The following SAMD11 variants were observed in gnomAD, a reference collection of about 807,000 sequenced individuals.
The protein encoded by SAMD11 is sterile alpha motif domain containing 11.
In SAMD11, 77 loss-of-function variants were observed where a neutral mutation model predicts 64.4. That is an observed-to-expected ratio of 1.20 (90% CI 0.99 to 1.44). The LOEUF is 1.44. SAMD11 is among the 40% of genes most tolerant of loss of function. SAMD11 has a pLI of 0.00. For synonymous variants in SAMD11, 658 were observed against 421.9 expected, an observed-to-expected ratio of 1.56 and a Z score of -6.86; for missense variants, 1,402 against 943.3, an observed-to-expected ratio of 1.49 and a Z score of -6.37.
chr1:935,541 G>A (rs1641387152), intron 4 of SAMD11, among the ~76,000 whole-genome samples: 1 of 152,212 alleles, frequency 6.6e-6, no homozygotes, highest in African/African-American at 2.4e-5. Flanking sequence ...CCCTGGAGCA[G>A]CCGTGGGGTC....
intron 7 of SAMD11, among the ~76,000 whole-genome samples, chr1:940,111 C>T (rs1641665750): frequency 6.6e-6 from 1 of 152,196 alleles, no homozygotes; most frequent in African/African-American, 2.4e-5. Flanking sequence ...CAGGATTCCT[C>T]ACACCAGGCA....
At chr1:936,454 C>T (rs972751142) in intron 5 of SAMD11, among the ~76,000 whole-genome samples, 2 of 151,850 alleles carry the variant, frequency 1.3e-5, no homozygotes, top group Non-Finnish European at 2.9e-5. Flanking sequence ...TCTAGGGCTC[C>T]GGGAAGGATG....
At chr1:940,313 C>G (rs1230952922) in intron 7 of SAMD11, 1 of 147,664 alleles carries the variant, frequency 6.8e-6, no homozygotes, top group Non-Finnish European at 1.5e-5. Flanking sequence ...CCCCCCGCCC[C>G]GCCGCGGAGC....
At chr1:929,267 T>C (rs1176257117) in intron 2 of SAMD11, among the ~76,000 whole-genome samples, 1 of 152,152 alleles carries the variant, frequency 6.6e-6, no homozygotes, top group Non-Finnish European at 1.5e-5. Flanking sequence ...AGCGGGCGTG[T>C]CTGTGCTCCC....
At chr1:933,303 C>T (rs141958931) in intron 4 of SAMD11, among the ~76,000 whole-genome samples, 1,629 of 152,286 alleles carry the variant, frequency 0.011, 19 homozygotes, top group Non-Finnish European at 0.017. Context: ...TTTCAGGGGC[C>T]GGGCCAGGCC....
At position 939,296 on chromosome 1, in the gene SAMD11, A is replaced by T. The variant is rs1476899771; in HGVS notation, c.1079A>T (p.Glu360Val). The part of the protein sequence containing the change: ...SPQEALLLPR[E>V]LGPSMAPEDH... ...GCAGAGGCGCTGCTGCTGCCGCGGG[A>T]GCTGGGGCCCAGCATGGCCCCGGAG... is the stretch of plus-strand genomic sequence containing the variant. Residue 360 changes from glutamate to valine, a missense_variant, in exon 7 of 14, where the codon GAG becomes GTG. Physicochemically the swap from Glu to Val is moderately radical, Grantham distance 121. Transcript: ENST00000616016. The T allele has an allele frequency of 4.4e-6, 7 of 1,608,860 alleles. No individual in the cohort carries two copies. The highest frequency in any genetic ancestry group is 5.9e-6 in the Non-Finnish European group (7 of 1,178,504).
In SAMD11 at chr1:943,363, G is replaced by A; in HGVS notation, c.2164G>A (p.Gly722Arg). ...CTTCGTGGGGGGCCTGTCTGGCTGTGGAGAGTACACTCGGGTAAGGGGGGG... is the reference window on the plus strand; with the variant it reads ...CTTCGTGGGGGGCCTGTCTGGCTGTAGAGAGTACACTCGGGTAAGGGGGGG... ...CSFVGGLSGC[G>R]EYTRVFREQG... The change falls in exon 12 of 14, where the codon GGA becomes AGA. Residue 722 changes from glycine (G) to arginine (R), a missense_variant. By Grantham distance (125) the Gly-to-Arg change is moderately radical. Coordinates refer to ENST00000616016, the MANE Select transcript of SAMD11 (RefSeq NM_001385641.1). 5 of 1,574,228 alleles carry A rather than the reference G, an allele frequency of 3.2e-6. No individual in the cohort carries two copies. Among genetic ancestry groups the A allele is most frequent in the Non-Finnish European group, 4.3e-6 (5 of 1,158,460 alleles).
At position 924,583 on chromosome 1, in the gene SAMD11, C is replaced by G. The variant is rs1640793553; in HGVS notation, c.152C>G (p.Ser51Trp). 1 of 151,268 alleles carries G rather than the reference C, an allele frequency of 6.6e-6. No individual in the cohort carries two copies. Among genetic ancestry groups the G allele is most frequent in the African/African-American group, 2.4e-5 (1 of 41,264 alleles). 9.4% of individuals were successfully genotyped at this position (151,268 alleles called of 1,614,324 possible). A position where few individuals can be genotyped will look rare whatever the true frequency, so the allele number is the denominator to read the frequency against. The change falls in exon 1 of 14, where the codon TCG becomes TGG. Residue 51 changes from serine (S) to tryptophan (W), a missense_variant. Ser to Trp is a radical substitution (Grantham distance 177). Transcript: ENST00000616016. ...GCGGCCGCCCTCCCCCCGGCCGCCTCGCTGCCCGCCTCGGCCGCCGGTTAC... is the reference window on the plus strand; with the variant it reads ...GCGGCCGCCCTCCCCCCGGCCGCCTGGCTGCCCGCCTCGGCCGCCGGTTAC... ...PAAAALPPAASLPASAAGYEA... is the reference protein window; with the variant it reads ...PAAAALPPAAWLPASAAGYEA...
At chr1:933,742 G>C (rs573025621) in intron 4 of SAMD11, among the ~76,000 whole-genome samples, 3 of 23,940 alleles carry the variant, frequency 1.3e-4, no homozygotes, top group Admixed American at 8.3e-4. Flanking sequence ...CTATGTGCCT[G>C]GGGGGGGCTT....
rs772250476 is a variant in SAMD11 at position 925,861 on chromosome 1, C to A, written c.518-61C>A. On this transcript the variant is annotated intron_variant, in intron 1 of 13. Coordinates refer to ENST00000616016, the MANE Select transcript of SAMD11 (RefSeq NM_001385641.1). The stretch of plus-strand genomic sequence containing the variant: ...GCCGGGGAGGGGGTACTGGCCCTGC[C>A]GCTGACTGCGCGCAGAAGCGTGCCG... The A allele has an allele frequency of 6.3e-6, 8 of 1,266,012 alleles. No homozygotes were observed. In the African/African-American group the frequency reaches 1.0e-4, roughly 16 times the overall value. 78.4% of individuals were successfully genotyped at this position (1,266,012 alleles called of 1,614,324 possible). A position where few individuals can be genotyped will look rare whatever the true frequency, so the allele number is the denominator to read the frequency against.
intron 4 of SAMD11, among the ~76,000 whole-genome samples, chr1:932,263 C>G (rs529631941): frequency 6.6e-6 from 1 of 152,322 alleles, no homozygotes. Flanking sequence ...GCCGCGGTCC[C>G]CCCGACCCCG....
At position 942,609 on chromosome 1, in the gene SAMD11, G is replaced by C. The variant is rs779679933; in HGVS notation, c.1604G>C (p.Arg535Pro). Residue 535 changes from arginine (R) to proline (P), a missense_variant, in exon 11 of 14, where the codon CGC becomes CCC. By Grantham distance (103) the Arg-to-Pro change is moderately radical. Transcript: ENST00000616016. ...LLRQKELESARPQLLAPETAL... is the reference protein window; with the variant it reads ...LLRQKELESAPPQLLAPETAL... The stretch of plus-strand genomic sequence containing the variant: ...CGGCAGAAGGAGCTGGAGAGCGCGC[G>C]CCCACAGCTGCTGGCGCCCGAGACC... 1 of 1,436,186 alleles carries C rather than the reference G, an allele frequency of 7.0e-7. No individual in the cohort carries two copies. The highest frequency in any genetic ancestry group is 9.1e-7 in the Non-Finnish European group (1 of 1,102,092). 89.0% of individuals were successfully genotyped at this position (1,436,186 alleles called of 1,614,324 possible).
At chr1:928,093 C>T (rs1640978591) in intron 2 of SAMD11, among the ~76,000 whole-genome samples, 1 of 152,224 alleles carries the variant, frequency 6.6e-6, no homozygotes, top group Admixed American at 6.5e-5. Flanking sequence ...GTCTTCTCCT[C>T]AAAAGAAGGG....
intron 2 of SAMD11, among the ~76,000 whole-genome samples, chr1:928,923 C>A (rs1273309251): frequency 1.3e-5 from 2 of 152,202 alleles, no homozygotes; most frequent in Non-Finnish European, 2.9e-5. Context: ...ACAGCCTCAT[C>A]CCCAAGCTCC....
intron 2 of SAMD11, among the ~76,000 whole-genome samples, chr1:928,341 C>A (rs939158313): frequency 7.9e-5 from 12 of 152,160 alleles, no homozygotes; most frequent in African/African-American, 2.4e-4. Context: ...GCAGTGAGCC[C>A]AGATTGTGCC....
At position 939,570 on chromosome 1, in the gene SAMD11, T is replaced by TACC; in HGVS notation, c.1195+158_1195+159insACC. Reference sequence around the variant, plus strand: ...ACACCAAGGCCAGGCTGGATGCAGGTCCCTCTGCCACACGTCCTGCCCCAT... The same window carrying TACC: ...ACACCAAGGCCAGGCTGGATGCAGGTACCCCCTCTGCCACACGTCCTGCCCCAT... On this transcript the variant is annotated intron_variant, in intron 7 of 13. Transcript: ENST00000616016. 2.2e-6 allele frequency: 3 copies of TACC among 1,349,382 alleles called. No homozygotes were observed. In the South Asian group the frequency reaches 4.2e-5, roughly 19 times the overall value. The allele number at this position is 1,349,382 out of a possible 1,614,324, so 83.6% of individuals were successfully genotyped here.
chr1:942,191 C>T lies in SAMD11; in HGVS notation c.1414C>T (p.Leu472=), dbSNP rs771042998. The T allele has an allele frequency of 2.5e-5, 35 of 1,398,022 alleles. No homozygotes were observed. In the African/African-American group the frequency reaches 3.6e-4, roughly 14 times the overall value. The allele number at this position is 1,398,022 out of a possible 1,614,324, so 86.6% of individuals were successfully genotyped here. A position where few individuals can be genotyped will look rare whatever the true frequency, so the allele number is the denominator to read the frequency against. ...GCCGCAGAATGCCCCTCACGTCGCCCTGGGCCCCCATCTCAGGCCCCCCTT... is the reference window on the plus strand; with the variant it reads ...GCCGCAGAATGCCCCTCACGTCGCCTTGGGCCCCCATCTCAGGCCCCCCTT... The part of the protein sequence containing the change: ...LSPQNAPHVA[L]GPHLRPPFLG... Residue 472 remains leucine (L), a synonymous_variant, in exon 9 of 14, where the codon CTG becomes TTG. Transcript: ENST00000616016.
At chr1:931,984 G>A (rs1227049569) in intron 4 of SAMD11, among the ~76,000 whole-genome samples, 1 of 152,246 alleles carries the variant, frequency 6.6e-6, no homozygotes, top group Non-Finnish European at 1.5e-5. Flanking sequence ...CACAAGGCCA[G>A]CTTCCTGGGG....
At chr1:937,311 G>C (rs1163429234) in intron 5 of SAMD11, among the ~76,000 whole-genome samples, 6 of 152,116 alleles carry the variant, frequency 3.9e-5, no homozygotes, top group African/African-American at 1.2e-4. Context: ...ATCTGCCTCT[G>C]TGAGACCCGC....
Sources: allele counts gnomAD v4.1 joint callset (sites outside exome capture counted in the v4.1 genomes callset), GRCh38; gene constraint gnomAD v4.1.1; transcripts MANE v1.5; gene names NCBI Gene and HGNC (gene_info 2026-07-23, HGNC 2026-07-21).